FHIT: variants seen among roughly 807,000 people sequenced by gnomAD.
FHIT encodes bis(5'-adenosyl)-triphosphatase.
In FHIT, 19 loss-of-function variants were observed where a neutral mutation model predicts 17.9. The ratio of observed to expected loss-of-function variants is 1.06; its 90% CI spans 0.74 to 1.56. The LOEUF (loss-of-function observed/expected upper bound fraction) is 1.56, where lower values mean the gene tolerates loss of function less well. FHIT is among the 40% of genes most tolerant of loss of function. The pLI is 0.00. For missense variants in FHIT, 248 were observed against 189.2 expected (o/e 1.31, Z -1.82); for synonymous variants, 81 against 69.7 (o/e 1.16, Z -0.81).
At chr3:60,315,468 T>C (rs764602085) in intron 5 of FHIT, among the ~76,000 whole-genome samples, 4 of 152,070 alleles carry the variant, frequency 2.6e-5, no homozygotes, top group Non-Finnish European at 5.9e-5. Context: ...CCCACACAAA[T>C]AAGAAACCAG....
intron 2 of FHIT, among the ~76,000 whole-genome samples, chr3:61,157,577 C>T (rs1023114460): frequency 6.6e-6 from 1 of 152,158 alleles, no homozygotes; most frequent in African/African-American, 2.4e-5. Context: ...TTGAAACAAA[C>T]TGAAGTTTGC....
chr3:59,818,317 C>A (rs954462342), intron 8 of FHIT, among the ~76,000 whole-genome samples: 2 of 152,030 alleles, frequency 1.3e-5, no homozygotes, highest in Non-Finnish European at 2.9e-5. Context: ...GAGAACACAG[C>A]GTGTGCAAGG....
At chr3:61,019,544 G>A (rs1441472248) in intron 3 of FHIT, among the ~76,000 whole-genome samples, 5 of 152,224 alleles carry the variant, frequency 3.3e-5, no homozygotes. Flanking sequence ...CAGAGAAAAT[G>A]CTGTTTTAGT....
At chr3:61,213,749 G>C (rs1012731772) in intron 1 of FHIT, among the ~76,000 whole-genome samples, 19 of 152,076 alleles carry the variant, frequency 1.2e-4, no homozygotes, top group African/African-American at 4.3e-4. Flanking sequence ...TGACCACATA[G>C]TTGGAAGTAA....
intron 7 of FHIT, among the ~76,000 whole-genome samples, chr3:59,928,217 T>C (rs1380800623): frequency 6.6e-6 from 1 of 152,216 alleles, no homozygotes; most frequent in African/African-American, 2.4e-5. Flanking sequence ...AATGGCCACC[T>C]TCAAAGTTAT....
chr3:60,140,709 G>C (rs1226997535), intron 5 of FHIT, among the ~76,000 whole-genome samples: 2 of 151,488 alleles, frequency 1.3e-5, no homozygotes, highest in Admixed American at 1.3e-4. Flanking sequence ...CTCCCAAATA[G>C]CTGGGACTAC....
intron 7 of FHIT, among the ~76,000 whole-genome samples, chr3:59,942,830 G>T (rs1216713781): frequency 2.0e-5 from 3 of 151,940 alleles, no homozygotes; most frequent in African/African-American, 7.3e-5. Flanking sequence ...TAAATTATTT[G>T]TACAGACAGA....
chr3:60,399,150 C>T (rs186906536), intron 5 of FHIT, among the ~76,000 whole-genome samples: 63 of 152,238 alleles, frequency 4.1e-4, no homozygotes, highest in Non-Finnish European at 8.1e-4. Flanking sequence ...GCTTAAAGTA[C>T]ATCTGAAGGT....
intron 4 of FHIT, among the ~76,000 whole-genome samples, chr3:60,624,365 T>C (rs552931756): frequency 1.1e-3 from 161 of 152,248 alleles, no homozygotes; most frequent in South Asian, 3.7e-3. Context: ...AGGTTGGATA[T>C]GAAGTTTAGA....
intron 5 of FHIT, among the ~76,000 whole-genome samples, chr3:60,232,060 G>T (rs975258398): frequency 2.6e-5 from 4 of 152,102 alleles, no homozygotes; most frequent in Non-Finnish European, 5.9e-5. Context: ...TCAAAGACAA[G>T]GCTCTTCAGT....
intron 8 of FHIT, among the ~76,000 whole-genome samples, chr3:59,773,317 A>G (rs1400860923): frequency 6.6e-6 from 1 of 152,180 alleles, no homozygotes; most frequent in African/African-American, 2.4e-5. Context: ...GTGATGAGGA[A>G]AATATGGGCA....
chr3:59,871,762 T>G (rs961966724), intron 8 of FHIT, among the ~76,000 whole-genome samples: 5 of 152,170 alleles, frequency 3.3e-5, no homozygotes, highest in African/African-American at 4.8e-5. Context: ...GTAGCCTAAT[T>G]TCCTTTTCCA....
intron 5 of FHIT, among the ~76,000 whole-genome samples, chr3:60,308,619 T>C (rs1054026297): frequency 5.3e-5 from 8 of 151,906 alleles, no homozygotes; most frequent in African/African-American, 1.9e-4. Context: ...GATGTGTTCA[T>C]TTTATATTTG....
chr3:60,120,058 T>G (rs1306931232), intron 5 of FHIT, among the ~76,000 whole-genome samples: 1 of 152,194 alleles, frequency 6.6e-6, no homozygotes, highest in African/African-American at 2.4e-5. Context: ...ACCACATTTC[T>G]AATAGTTTAA....
At chr3:59,979,691 G>A (rs1708567534) in intron 7 of FHIT, among the ~76,000 whole-genome samples, 1 of 152,076 alleles carries the variant, frequency 6.6e-6, no homozygotes, top group South Asian at 2.1e-4. Flanking sequence ...AGATATGGTG[G>A]GGCTGTGGTG....
At chr3:60,134,506 A>G (rs1699729089) in intron 5 of FHIT, among the ~76,000 whole-genome samples, 3 of 152,212 alleles carry the variant, frequency 2.0e-5, no homozygotes, top group African/African-American at 7.2e-5. Flanking sequence ...TCATAGGTTT[A>G]TACCTACATA....
At chr3:59,993,520 C>G (rs965153757) in intron 7 of FHIT, among the ~76,000 whole-genome samples, 1 of 152,140 alleles carries the variant, frequency 6.6e-6, no homozygotes, top group Non-Finnish European at 1.5e-5. Flanking sequence ...TGGCAAACAG[C>G]CTCTCTACCT....
intron 8 of FHIT, among the ~76,000 whole-genome samples, chr3:59,823,899 A>G (rs1405795145): frequency 6.6e-6 from 1 of 152,216 alleles, no homozygotes; most frequent in Non-Finnish European, 1.5e-5. Context: ...GTAAAGAGGA[A>G]GTCAAACTGT....
At chr3:60,172,593 G>C (rs1250313937) in intron 5 of FHIT, among the ~76,000 whole-genome samples, 2 of 152,076 alleles carry the variant, frequency 1.3e-5, no homozygotes, top group Admixed American at 6.6e-5. Flanking sequence ...TGTTTTGTTA[G>C]AATAAGAGAA....
Sources: allele counts gnomAD v4.1 joint callset (sites outside exome capture counted in the v4.1 genomes callset), GRCh38; gene constraint gnomAD v4.1.1; transcripts MANE v1.5; gene names NCBI Gene and HGNC (gene_info 2026-07-23, HGNC 2026-07-21).